Variants in NTM observed in about 807,000 individuals in gnomAD.
The protein encoded by NTM is IgLON family member 2.
A neutral mutation model predicts 42.1 loss-of-function variants in NTM; 13 were observed. The ratio of observed to expected loss-of-function variants is 0.31; its 90% CI spans 0.20 to 0.49. The LOEUF (loss-of-function observed/expected upper bound fraction) is 0.49. Ranked by LOEUF, NTM falls within the 20% of genes least tolerant of loss-of-function variation. NTM has a pLI of 0.99. For missense variants in NTM, 373 were observed against 452.8 expected, an observed-to-expected ratio of 0.82 and a Z score of 1.60; for synonymous variants, 187 against 179.2, an observed-to-expected ratio of 1.04 and a Z score of -0.35.
intron 1 of NTM, among the ~76,000 whole-genome samples, chr11:131,554,000 A>T (rs1240572519): frequency 6.6e-6 from 1 of 152,184 alleles, no homozygotes; most frequent in Non-Finnish European, 1.5e-5. Flanking sequence ...TTGCCTGGTC[A>T]ATCCCACTCA....
intron 3 of NTM, among the ~76,000 whole-genome samples, chr11:132,167,285 G>T (rs1056308721): frequency 3.9e-5 from 6 of 152,110 alleles, no homozygotes; most frequent in African/African-American, 1.4e-4. Flanking sequence ...TGCCCAGGCT[G>T]GTCTTCAACT....
intron 4 of NTM, among the ~76,000 whole-genome samples, chr11:132,243,126 T>G (rs982761742): frequency 6.6e-6 from 1 of 152,186 alleles, no homozygotes; most frequent in African/African-American, 2.4e-5. Context: ...GACATATCAC[T>G]TCCCTTCTCA....
chr11:131,907,144 T>C (rs2053981354), intron 1 of NTM, among the ~76,000 whole-genome samples: 1 of 152,226 alleles, frequency 6.6e-6, no homozygotes, highest in South Asian at 2.1e-4. Flanking sequence ...CTTTAGCCTT[T>C]TTCGACGAGG....
At chr11:132,163,702 T>C (rs991807580) in intron 3 of NTM, among the ~76,000 whole-genome samples, 1 of 152,190 alleles carries the variant, frequency 6.6e-6, no homozygotes, top group Non-Finnish European at 1.5e-5. Context: ...AAGGACTGTA[T>C]CCCAATTGCC....
intron 1 of NTM, among the ~76,000 whole-genome samples, chr11:131,615,114 A>G (rs2061795728): frequency 1.3e-5 from 2 of 152,208 alleles, no homozygotes; most frequent in African/African-American, 2.4e-5. Context: ...ATCTTAATCA[A>G]GGCAGCACAC....
In NTM at chr11:131,480,386, C is replaced by T. The variant is rs116669037; in HGVS notation, c.82+109498C>T. 1.5e-3 allele frequency among the ~76,000 whole-genome samples: 231 copies of T among 152,220 alleles called. 2 individuals carry two copies. Among genetic ancestry groups the T allele is most frequent in the African/African-American group, 5.3e-3 (220 of 41,512 alleles). ...CTTTCCTCTACCCACCAAAAGCTGT[C>T]GCTTGATACTAGGCATTTTCACCAA... is the stretch of plus-strand genomic sequence containing the variant. On this transcript the variant is annotated intron_variant, in intron 1 of 8. Coordinates refer to ENST00000683400, the MANE Select transcript of NTM (RefSeq NM_001352005.2).
chr11:132,032,642 C>T (rs753738232), intron 2 of NTM, among the ~76,000 whole-genome samples: 1 of 152,152 alleles, frequency 6.6e-6, no homozygotes, highest in Non-Finnish European at 1.5e-5. Flanking sequence ...AACATCTGTT[C>T]AGCTCTGAAT....
At chr11:131,678,776 G>A (rs575987911) in intron 1 of NTM, among the ~76,000 whole-genome samples, 162 of 152,220 alleles carry the variant, frequency 1.1e-3, no homozygotes, top group African/African-American at 3.6e-3. Flanking sequence ...TGAGCCTCTC[G>A]TGTCTGGACT....
chr11:132,210,627 A>G (rs1173818203), intron 3 of NTM, among the ~76,000 whole-genome samples: 2 of 152,212 alleles, frequency 1.3e-5, no homozygotes, highest in African/African-American at 4.8e-5. Flanking sequence ...AGATAAGTAG[A>G]CACATGGAAC....
At chr11:132,151,936 C>T (rs1056278259) in intron 3 of NTM, among the ~76,000 whole-genome samples, 7 of 152,180 alleles carry the variant, frequency 4.6e-5, no homozygotes, top group Non-Finnish European at 1.0e-4. Flanking sequence ...CTTTGATTGT[C>T]TCCCTATTTC....
chr11:131,976,266 G>T (rs1455208926), intron 2 of NTM, among the ~76,000 whole-genome samples: 1 of 152,060 alleles, frequency 6.6e-6, no homozygotes, highest in Admixed American at 6.5e-5. Flanking sequence ...GAGCACAAAG[G>T]GGAAGCTTAT....
At chr11:131,478,004 A>G (rs1255938483) in intron 1 of NTM, among the ~76,000 whole-genome samples, 2 of 152,124 alleles carry the variant, frequency 1.3e-5, no homozygotes, top group Admixed American at 1.3e-4. Flanking sequence ...CTAGAGACCC[A>G]AAGCTGACCT....
At position 132,137,357 on chromosome 11, in the gene NTM, G is replaced by A. The variant is rs145303701; in HGVS notation, c.168-8925G>A. Among the ~76,000 whole-genome samples, 773 of 152,312 alleles carry A rather than the reference G, an allele frequency of 5.1e-3. 13 individuals are homozygous for A. The highest frequency in any genetic ancestry group is 4.8e-3 in the Non-Finnish European group (327 of 68,026). On this transcript the variant is annotated intron_variant, in intron 2 of 8. Coordinates refer to ENST00000683400, the MANE Select transcript of NTM (RefSeq NM_001352005.2). ...TCCCTGCCAAGGAGGGCTGTCCCCT[G>A]GAGAAGAAAGAGACAAGCTCAAGTG...
chr11:131,836,610 G>A (rs2043530326), intron 1 of NTM, among the ~76,000 whole-genome samples: 1 of 152,166 alleles, frequency 6.6e-6, no homozygotes, highest in Non-Finnish European at 1.5e-5. Context: ...ATTCCCCTCT[G>A]TATGCTTCTC....
intron 1 of NTM, among the ~76,000 whole-genome samples, chr11:131,586,374 A>T (rs567552372): frequency 6.6e-6 from 1 of 152,314 alleles, no homozygotes; most frequent in Non-Finnish European, 1.5e-5. Flanking sequence ...CACTTCCACA[A>T]TTAAGTTACA....
rs138303175 is a variant in NTM at position 131,986,932 on chromosome 11, A to C, written c.167+75284A>C. ...CCAACACAACTCCAACATAATTATTAGGCAAAGAAGATTATATTGGTTAAT... is the reference window on the plus strand; with the variant it reads ...CCAACACAACTCCAACATAATTATTCGGCAAAGAAGATTATATTGGTTAAT... On this transcript the variant is annotated intron_variant, in intron 2 of 8. Coordinates refer to ENST00000683400, the MANE Select transcript of NTM (RefSeq NM_001352005.2). 1.7e-3 allele frequency among the ~76,000 whole-genome samples: 255 copies of C among 152,356 alleles called. 1 individual carries two copies. Among genetic ancestry groups the C allele is most frequent in the African/African-American group, 5.9e-3 (245 of 41,588 alleles).
At chr11:131,831,024 G>A (rs73025371) in intron 1 of NTM, among the ~76,000 whole-genome samples, 3,773 of 152,252 alleles carry the variant, frequency 0.025, 55 homozygotes, top group Non-Finnish European at 0.037. Flanking sequence ...CATGGATTCC[G>A]AAACTTTACT....
intron 1 of NTM, among the ~76,000 whole-genome samples, chr11:131,615,987 G>A (rs1277604665): frequency 5.3e-5 from 8 of 152,234 alleles, no homozygotes; most frequent in African/African-American, 1.9e-4. Flanking sequence ...AAGCGTGGCT[G>A]GGTGAGTATA....
intron 1 of NTM, among the ~76,000 whole-genome samples, chr11:131,814,136 C>T (rs2092851528): frequency 6.6e-6 from 1 of 152,224 alleles, no homozygotes; most frequent in Admixed American, 6.5e-5. Context: ...ACTCTTCTCT[C>T]TTCAGAAAGA....
Sources: allele counts gnomAD v4.1 joint callset (sites outside exome capture counted in the v4.1 genomes callset), GRCh38; gene constraint gnomAD v4.1.1; transcripts MANE v1.5; gene names NCBI Gene and HGNC (gene_info 2026-07-23, HGNC 2026-07-21).